Variants in RAD51B observed in about 807,000 individuals in gnomAD.
RAD51B encodes the protein RAD51 paralog B, also known as DNA repair protein RAD51 homolog 2.
A neutral mutation model predicts 42.2 loss-of-function variants in RAD51B; 38 were observed. The ratio of observed to expected loss-of-function variants is 0.90; its 90% CI spans 0.70 to 1.18. The LOEUF is 1.18. RAD51B is among the 50% of genes most tolerant of loss of function. RAD51B has a pLI of 0.00. For synonymous variants in RAD51B, 154 were observed against 145.2 expected, an observed-to-expected ratio of 1.06 and a Z score of -0.43; for missense variants, 373 against 400.7, an observed-to-expected ratio of 0.93 and a Z score of 0.59.
chr14:68,608,070 T>G (rs1447982568), intron 10 of RAD51B, among the ~76,000 whole-genome samples: 1 of 152,206 alleles, frequency 6.6e-6, no homozygotes, highest in African/African-American at 2.4e-5. Flanking sequence ...CTAGGTCTGC[T>G]GAGGGCGGTA....
At chr14:68,667,160 G>A (rs927951579) in intron 11 of RAD51B, among the ~76,000 whole-genome samples, 11 of 152,348 alleles carry the variant, frequency 7.2e-5, no homozygotes, top group African/African-American at 1.4e-4. Flanking sequence ...CGTATGTGAC[G>A]GCGGTGGAGG....
At chr14:68,545,780 G>A (rs1395442071) in intron 10 of RAD51B, among the ~76,000 whole-genome samples, 1 of 152,202 alleles carries the variant, frequency 6.6e-6, no homozygotes, top group Non-Finnish European at 1.5e-5. Flanking sequence ...AGAGTAGGGG[G>A]TTGGGCAGAA....
chr14:68,046,158 C>G (rs2076296211), intron 7 of RAD51B, among the ~76,000 whole-genome samples: 1 of 152,186 alleles, frequency 6.6e-6, no homozygotes, highest in Non-Finnish European at 1.5e-5. Flanking sequence ...AGGTCTCACT[C>G]TGTCACCCAG....
At chr14:68,281,724 C>A (rs1489268111) in intron 7 of RAD51B, among the ~76,000 whole-genome samples, 2 of 152,166 alleles carry the variant, frequency 1.3e-5, no homozygotes, top group Non-Finnish European at 2.9e-5. Flanking sequence ...CGACAAATAG[C>A]TACCTGAAAA....
exon 11 of RAD51B, chr14:68,594,546 T>G: frequency 7.5e-7 from 1 of 1,340,848 alleles, no homozygotes; most frequent in Non-Finnish European, 9.8e-7. Context: ...TCCTCCCACC[T>G]CAGCCTCCTG....
chr14:68,235,129 A>G (rs967477505), intron 7 of RAD51B, among the ~76,000 whole-genome samples: 2 of 152,100 alleles, frequency 1.3e-5, no homozygotes, highest in Non-Finnish European at 2.9e-5. Flanking sequence ...ATTATCAAGT[A>G]TTATGTGCCG....
chr14:68,338,629 A>G (rs576526570), intron 8 of RAD51B: 3 of 305,588 alleles, frequency 9.8e-6, no homozygotes, highest in East Asian at 1.8e-4. Flanking sequence ...TAGCTATCTC[A>G]AAGTGTATCT....
At chr14:67,944,201 ATTTTTT>A (rs370785745) in intron 7 of RAD51B, among the ~76,000 whole-genome samples, 11 of 130,096 alleles carry the variant, frequency 8.5e-5, no homozygotes, top group African/African-American at 1.5e-4. Context: ...AGAAGTAAAG[ATTTTTT>A]TTTTTTTTTT....
chr14:68,029,069 T>C (rs946511133), intron 7 of RAD51B, among the ~76,000 whole-genome samples: 6 of 152,192 alleles, frequency 3.9e-5, no homozygotes, highest in Non-Finnish European at 8.8e-5. Flanking sequence ...ATTAACCCTC[T>C]CCCGTGGAGC....
At chr14:67,933,559 G>A (rs770994536) in intron 7 of RAD51B, among the ~76,000 whole-genome samples, 5 of 152,166 alleles carry the variant, frequency 3.3e-5, no homozygotes, top group Non-Finnish European at 7.4e-5. Context: ...TTGGATTGCT[G>A]CAGTCCACAG....
At chr14:67,969,965 C>T (rs1415706736) in intron 7 of RAD51B, among the ~76,000 whole-genome samples, 1 of 152,102 alleles carries the variant, frequency 6.6e-6, no homozygotes, top group Non-Finnish European at 1.5e-5. Flanking sequence ...TTTGCACTTA[C>T]TGTCTGCTTT....
At chr14:68,188,355 C>G (rs980521360) in intron 7 of RAD51B, among the ~76,000 whole-genome samples, 1 of 150,420 alleles carries the variant, frequency 6.6e-6, no homozygotes, top group Non-Finnish European at 1.5e-5. Flanking sequence ...CCTCCTCCCC[C>G]CTCCTCCTTT....
At chr14:68,149,694 A>T (rs1452275342) in intron 7 of RAD51B, 1 of 152,226 alleles carries the variant, frequency 6.6e-6, no homozygotes, top group Non-Finnish European at 1.5e-5. Context: ...TCTGATCAGC[A>T]TGGGAGTTTT....
chr14:68,470,979 C>T (rs555581728), intron 10 of RAD51B, among the ~76,000 whole-genome samples: 1 of 152,300 alleles, frequency 6.6e-6, no homozygotes, highest in Admixed American at 6.5e-5. Flanking sequence ...CTAAAAGACA[C>T]CTGCATGATT....
chr14:68,312,433 A>C (rs1032951851), intron 8 of RAD51B, among the ~76,000 whole-genome samples: 2 of 152,228 alleles, frequency 1.3e-5, no homozygotes, highest in Admixed American at 1.3e-4. Flanking sequence ...CAAGGATGGG[A>C]TGAAGGATCA....
chr14:68,381,208 G>A (rs1490403150), intron 8 of RAD51B, among the ~76,000 whole-genome samples: 2 of 152,234 alleles, frequency 1.3e-5, no homozygotes, highest in Non-Finnish European at 2.9e-5. Flanking sequence ...TAGTTAGCTA[G>A]TTAGAATCTG....
At chr14:68,150,886 C>A (rs2078364378) in intron 7 of RAD51B, among the ~76,000 whole-genome samples, 1 of 152,124 alleles carries the variant, frequency 6.6e-6, no homozygotes, top group African/African-American at 2.4e-5. Context: ...ATTTTACTTA[C>A]ACATAAATAT....
At chr14:68,434,276 A>G (rs931037200) in intron 9 of RAD51B, among the ~76,000 whole-genome samples, 4 of 152,182 alleles carry the variant, frequency 2.6e-5, no homozygotes, top group African/African-American at 7.2e-5. Flanking sequence ...AAACTGTCAG[A>G]CAGGGACATT....
intron 7 of RAD51B, among the ~76,000 whole-genome samples, chr14:68,224,563 A>T (rs77832194): frequency 0.025 from 3,801 of 152,296 alleles, 175 homozygotes; most frequent in African/African-American, 0.088. Flanking sequence ...TTCTCTAGTA[A>T]GTACTGTATG....
Sources: allele counts gnomAD v4.1 joint callset (sites outside exome capture counted in the v4.1 genomes callset), GRCh38; gene constraint gnomAD v4.1.1; transcripts MANE v1.5; gene names NCBI Gene and HGNC (gene_info 2026-07-23, HGNC 2026-07-21).